The following MARK3 variants were observed in gnomAD, a reference collection of about 807,000 sequenced individuals.
MARK3 encodes the protein MAP/microtubule affinity-regulating kinase 3.
MARK3 carries 46 observed loss-of-function variants against 90.1 expected under a neutral mutation model. That is an observed-to-expected ratio of 0.51 (90% CI 0.40 to 0.65). The LOEUF is 0.65. Ranked by LOEUF, MARK3 falls within the 30% of genes least tolerant of loss-of-function variation. The probability of loss-of-function intolerance (pLI) is 0.00; values close to 1 mark genes in which losing one functional copy is unlikely to be tolerated. For synonymous variants in MARK3, 321 were observed against 332.6 expected, an observed-to-expected ratio of 0.97 and a Z score of 0.38; for missense variants, 818 against 947.2, an observed-to-expected ratio of 0.86 and a Z score of 1.79.
chr14:103,427,442 A>G (rs1014361288), intron 2 of MARK3, among the ~76,000 whole-genome samples: 4 of 145,214 alleles, frequency 2.8e-5, no homozygotes, highest in South Asian at 2.2e-4. Context: ...GGAGGTTGCA[A>G]TGAGCCGAGA....
chr14:103,425,276 A>G (rs1328385038), intron 2 of MARK3, among the ~76,000 whole-genome samples: 1 of 132,540 alleles, frequency 7.5e-6, no homozygotes, highest in African/African-American at 2.9e-5. Flanking sequence ...TTATTTATTT[A>G]TTTGATGGAG....
At chr14:103,457,926 C>T (rs2093310565) in intron 6 of MARK3, among the ~76,000 whole-genome samples, 2 of 152,136 alleles carry the variant, frequency 1.3e-5, no homozygotes, top group Admixed American at 6.5e-5. Flanking sequence ...TTGTGGAGAA[C>T]GGGGTCTCGC....
intron 6 of MARK3, among the ~76,000 whole-genome samples, 184 bp downstream of exon 6, chr14:103,457,396 A>G (rs951588216): frequency 1.3e-5 from 2 of 152,238 alleles, no homozygotes; most frequent in South Asian, 4.1e-4. Context: ...GGAGGCAGCC[A>G]TGGTTCTATT....
rs1400922929 is a variant in MARK3 at position 103,412,025 on chromosome 14, A to G, written c.243+6758A>G. The G allele has an allele frequency of 2.6e-5, 9 of 351,504 alleles. No homozygotes were observed. The East Asian group carries it at 3.7e-4, about 14-fold the overall frequency. 21.8% of individuals were successfully genotyped at this position (351,504 alleles called of 1,614,324 possible). A position where few individuals can be genotyped will look rare whatever the true frequency, so the allele number is the denominator to read the frequency against. ...AGTTGCCATTTTCTAAAAACAGAGC[A>G]TGAAATTTTGATTAGATTAGTTTTC... On this transcript the variant is annotated intron_variant, in intron 2 of 17. Coordinates refer to ENST00000429436, the MANE Select transcript of MARK3 (RefSeq NM_001128918.3).
At position 103,501,281 on chromosome 14, in the gene MARK3, A is replaced by T. The variant is rs550133523; in HGVS notation, c.1916+1081A>T. 3.4e-3 allele frequency among the ~76,000 whole-genome samples: 510 copies of T among 152,230 alleles called. 2 individuals carry two copies. The highest frequency in any genetic ancestry group is 5.4e-3 in the Non-Finnish European group (370 of 68,000). On this transcript the variant is annotated intron_variant, in intron 17 of 17. Coordinates refer to ENST00000429436, the MANE Select transcript of MARK3 (RefSeq NM_001128918.3). ...GAGTGCCAGGCAGCATTCCCTCTCC[A>T]GGCCTACCCATCCCAGCCAGGAGCA... is the stretch of plus-strand genomic sequence containing the variant.
In MARK3 at chr14:103,388,816, A is replaced by T. The variant is rs138408354; in HGVS notation, c.51+2736A>T. The stretch of plus-strand genomic sequence containing the variant: ...TCTTTCACTTAGAGTAGTGCTTTTG[A>T]GATTTATTTGAATGTGTATCAGTAT... On this transcript the variant is annotated intron_variant, in intron 1 of 17. Coordinates refer to ENST00000429436, the MANE Select transcript of MARK3 (RefSeq NM_001128918.3). Among the ~76,000 whole-genome samples, 157 of 152,082 alleles carry T rather than the reference A, an allele frequency of 1.0e-3. 5 individuals are homozygous for T. The East Asian group carries it at 0.026, about 25-fold the overall frequency.
chr14:103,406,334 C>T (rs1402419542), intron 2 of MARK3, among the ~76,000 whole-genome samples: 1 of 152,046 alleles, frequency 6.6e-6, no homozygotes, highest in Non-Finnish European at 1.5e-5. Flanking sequence ...AAGCGTTTCT[C>T]TTGCCTCAGC....
chr14:103,470,453 C>CTTTTT (rs1555396272), intron 12 of MARK3, among the ~76,000 whole-genome samples: 1 of 24,186 alleles, frequency 4.1e-5, no homozygotes, highest in Non-Finnish European at 8.3e-5. Context: ...GGAACTAAAT[C>CTTTTT]TATTTTTTTT....
intron 4 of MARK3, among the ~76,000 whole-genome samples, chr14:103,450,877 TG>T (rs1477280132): frequency 5.4e-4 from 7 of 13,020 alleles, no homozygotes; most frequent in African/African-American, 1.5e-3. Context: ...ATTTTTAAAG[TG>T]TGTGTGTGTG....
At chr14:103,418,041 C>T (rs2092027491) in intron 2 of MARK3, among the ~76,000 whole-genome samples, 1 of 152,060 alleles carries the variant, frequency 6.6e-6, no homozygotes, top group Admixed American at 6.5e-5. Flanking sequence ...TGCACTCCAG[C>T]CTGGGTGACA....
At chr14:103,471,363 T>G (rs1265729250) in intron 12 of MARK3, among the ~76,000 whole-genome samples, 1 of 152,180 alleles carries the variant, frequency 6.6e-6, no homozygotes, top group Non-Finnish European at 1.5e-5. Context: ...TCACCAAACC[T>G]CTGTTTTATC....
At chr14:103,462,875 A>G (rs1360439587) in intron 7 of MARK3, among the ~76,000 whole-genome samples, 1 of 152,132 alleles carries the variant, frequency 6.6e-6, no homozygotes, top group African/African-American at 2.4e-5. Context: ...CTGGCATAGG[A>G]TGAGGTTTCG....
At chr14:103,467,907 G>A (rs562610876) in intron 11 of MARK3, 126 bp from the exon 12 acceptor site, 3 of 890,644 alleles carry the variant, frequency 3.4e-6, no homozygotes, top group African/African-American at 1.7e-5. Context: ...ATTTTTGTAC[G>A]TTGTGATTCC....
At chr14:103,461,371 T>C (rs1000490694) in intron 6 of MARK3, among the ~76,000 whole-genome samples, 4 of 152,214 alleles carry the variant, frequency 2.6e-5, no homozygotes, top group African/African-American at 7.2e-5. Context: ...TAGAAGACTT[T>C]TTTTAAGTGA....
chr14:103,491,909 A>G lies in MARK3; in HGVS notation c.1719A>G (p.Arg573=). 1 of 1,614,158 alleles carries G rather than the reference A, an allele frequency of 6.2e-7. No homozygotes were observed. Among genetic ancestry groups the G allele is most frequent in the Non-Finnish European group, 8.5e-7 (1 of 1,180,022 alleles). The change falls in exon 15 of 18, where the codon CGA becomes CGG. Residue 573 remains arginine, a synonymous_variant. Coordinates refer to ENST00000429436, the MANE Select transcript of MARK3 (RefSeq NM_001128918.3). Reference sequence around the variant, plus strand: ...TCCACGGCCAGCCCCGGGAACGGCGAACCGCAACATATAATGGCCCTCCTG... The same window carrying G: ...TCCACGGCCAGCCCCGGGAACGGCGGACCGCAACATATAATGGCCCTCCTG... ...STFHGQPRER[R]TATYNGPPAS...
At chr14:103,477,572 A>G (rs973696582) in intron 13 of MARK3, among the ~76,000 whole-genome samples, 15 of 152,174 alleles carry the variant, frequency 9.9e-5, no homozygotes, top group African/African-American at 3.6e-4. Flanking sequence ...ATTCATGTGA[A>G]TCCACATGAC....
intron 9 of MARK3, 45 bp from the exon 10 acceptor site, chr14:103,466,298 G>C (rs2093501042): frequency 7.0e-7 from 1 of 1,418,876 alleles, no homozygotes; most frequent in African/African-American, 1.4e-5. Flanking sequence ...ACGGTTATCA[G>C]AATATTTCAT....
intron 3 of MARK3, among the ~76,000 whole-genome samples, chr14:103,440,948 A>G (rs906070583): frequency 1.4e-5 from 2 of 146,396 alleles, no homozygotes; most frequent in Non-Finnish European, 3.0e-5. Flanking sequence ...AAAAAAAAAA[A>G]GAAAAGAAAA....
chr14:103,391,378 A>G (rs2090230095), intron 1 of MARK3, among the ~76,000 whole-genome samples: 1 of 152,204 alleles, frequency 6.6e-6, no homozygotes, highest in Non-Finnish European at 1.5e-5. Context: ...TAAAGCTTTT[A>G]GAAGAGATAA....
Sources: allele counts gnomAD v4.1 joint callset (sites outside exome capture counted in the v4.1 genomes callset), GRCh38; gene constraint gnomAD v4.1.1; transcripts MANE v1.5; gene names NCBI Gene and HGNC (gene_info 2026-07-23, HGNC 2026-07-21).